The following GRAMD1C variants were observed in gnomAD, a reference collection of about 807,000 sequenced individuals.
GRAMD1C encodes the protein protein Aster-C.
A neutral mutation model predicts 97.8 loss-of-function variants in GRAMD1C; 89 were observed. That is an observed-to-expected ratio of 0.91 (90% confidence interval 0.77 to 1.09). GRAMD1C has a LOEUF of 1.09. Among genes scored for constraint, GRAMD1C ranks in the 50% least tolerant of loss-of-function variants. GRAMD1C has a pLI of 0.00. For synonymous variants in GRAMD1C, 256 were observed against 267.0 expected, an observed-to-expected ratio of 0.96 and a Z score of 0.40; for missense variants, 740 against 766.4, an observed-to-expected ratio of 0.97 and a Z score of 0.41.
chr3:113,870,380 A>G (rs1195621418), intron 3 of GRAMD1C, among the ~76,000 whole-genome samples: 1 of 146,012 alleles, frequency 6.8e-6, no homozygotes, highest in Non-Finnish European at 1.5e-5. Context: ...ACCCCCGCTC[A>G]AAAAAAAAAA....
At chr3:113,835,741 G>A (rs540058727), upstream of GRAMD1C, among the ~76,000 whole-genome samples, 14 of 152,244 alleles carry the variant, frequency 9.2e-5, no homozygotes, top group South Asian at 2.9e-3. Context: ...TGTTTCGAAC[G>A]ATGTTCACAT....
chr3:113,855,780 A>G (rs1934101898), intron 2 of GRAMD1C, among the ~76,000 whole-genome samples: 2 of 152,122 alleles, frequency 1.3e-5, no homozygotes, highest in Non-Finnish European at 2.9e-5. Flanking sequence ...AGAAGATGTT[A>G]GTAAGTAAAA....
At chr3:113,877,468 TG>T (rs747549862) in intron 5 of GRAMD1C, among the ~76,000 whole-genome samples, 14 of 152,232 alleles carry the variant, frequency 9.2e-5, no homozygotes, top group Non-Finnish European at 1.9e-4. Context: ...TTTAATTTCC[TG>T]GAAGAGCTCT....
At position 113,934,619 on chromosome 3, in the gene GRAMD1C, C is replaced by G. The variant is rs72954664; in HGVS notation, c.1456+84C>G. The stretch of plus-strand genomic sequence containing the variant: ...ATTGATTCTTCATTTAGATTTGTAA[C>G]AGAAAACTGGTCAATGATGTTGGAA... On this transcript the variant is annotated intron_variant, in intron 13 of 17. Coordinates refer to ENST00000358160, the MANE Select transcript of GRAMD1C (RefSeq NM_017577.5). 6,633 of 677,960 alleles carry G rather than the reference C, an allele frequency of 9.8e-3. 355 individuals carry two copies. In the African/African-American group the frequency reaches 0.11, roughly 11 times the overall value. 42.0% of individuals were successfully genotyped at this position (677,960 alleles called of 1,614,324 possible). A position where few individuals can be genotyped will look rare whatever the true frequency, so the allele number is the denominator to read the frequency against.
intron 11 of GRAMD1C, 47 bp from the exon 12 acceptor site, chr3:113,933,464 A>C (rs1220029573): frequency 7.4e-6 from 10 of 1,351,710 alleles, no homozygotes; most frequent in Non-Finnish European, 1.1e-5. Flanking sequence ...AAGAAGATTC[A>C]TATATTAAGC....
At chr3:113,857,501 G>A (rs1317235111) in intron 2 of GRAMD1C, among the ~76,000 whole-genome samples, 3 of 151,332 alleles carry the variant, frequency 2.0e-5, no homozygotes, top group Non-Finnish European at 2.9e-5. Context: ...TCAGCCTCCC[G>A]AGTAGCTGGG....
chr3:113,868,450 T>G (rs1249255019), intron 2 of GRAMD1C, among the ~76,000 whole-genome samples: 1 of 152,204 alleles, frequency 6.6e-6, no homozygotes, highest in Middle Eastern at 3.2e-3. Flanking sequence ...GTCCCATGGG[T>G]TGTCATTGCT....
At chr3:113,851,498 A>G (rs1933900987) in intron 2 of GRAMD1C, among the ~76,000 whole-genome samples, 1 of 151,360 alleles carries the variant, frequency 6.6e-6, no homozygotes, top group African/African-American at 2.4e-5. Context: ...ATTTTTCTAG[A>G]TAATAGTCAA....
At position 113,869,576 on chromosome 3, in the gene GRAMD1C, G is replaced by A; in HGVS notation, c.244G>A (p.Glu82Lys). The A allele has an allele frequency of 6.7e-7, 1 of 1,497,670 alleles. No individual in the cohort carries two copies. Among genetic ancestry groups the A allele is most frequent in the Non-Finnish European group, 9.2e-7 (1 of 1,091,676 alleles). 92.8% of individuals were successfully genotyped at this position (1,497,670 alleles called of 1,614,324 possible). A position where few individuals can be genotyped will look rare whatever the true frequency, so the allele number is the denominator to read the frequency against. ...RRQFTHLPDT[E>K]RLIADYACAL... The stretch of plus-strand genomic sequence containing the variant: ...ACAGTTCACACATCTACCTGATACA[G>A]AGAGGCTGATAGCAGGTAAAATAGA... Residue 82 changes from glutamate (E) to lysine (K), a missense_variant, in exon 3 of 18, where the codon GAG becomes AAG. Coordinates refer to ENST00000358160, the MANE Select transcript of GRAMD1C (RefSeq NM_017577.5).
intron 9 of GRAMD1C, chr3:113,913,305 A>T (rs1417508694): frequency 6.0e-6 from 2 of 335,440 alleles, no homozygotes; most frequent in Non-Finnish European, 1.2e-5. Context: ...CAGGTGGGTC[A>T]ACTGAGGTCA....
At chr3:113,910,588 C>T (rs950591799) in intron 9 of GRAMD1C, among the ~76,000 whole-genome samples, 5 of 152,094 alleles carry the variant, frequency 3.3e-5, no homozygotes, top group African/African-American at 1.2e-4. Flanking sequence ...CTAGAGTGGG[C>T]TCAACAAATA....
intron 2 of GRAMD1C, among the ~76,000 whole-genome samples, chr3:113,853,428 G>A (rs1933991938): frequency 6.6e-6 from 1 of 152,134 alleles, no homozygotes; most frequent in Non-Finnish European, 1.5e-5. Context: ...TGAGCAAGAG[G>A]CAATATTCAA....
At chr3:113,847,544 C>T (rs1464658348) in intron 2 of GRAMD1C, among the ~76,000 whole-genome samples, 1 of 152,168 alleles carries the variant, frequency 6.6e-6, no homozygotes, top group Non-Finnish European at 1.5e-5. Context: ...ATAAATAATT[C>T]ATTTTTTCTC....
intron 6 of GRAMD1C, among the ~76,000 whole-genome samples, chr3:113,898,970 A>G (rs910295903): frequency 2.6e-5 from 4 of 152,104 alleles, no homozygotes; most frequent in Non-Finnish European, 4.4e-5. Context: ...CATGAAATGT[A>G]ATGAAGGTCA....
intron 1 of GRAMD1C, among the ~76,000 whole-genome samples, chr3:113,840,500 G>A (rs780087715): frequency 6.6e-6 from 1 of 152,046 alleles, no homozygotes; most frequent in Non-Finnish European, 1.5e-5. Flanking sequence ...ACTTTGGGAG[G>A]CCAAGGCAGA....
rs189838582 is a variant in GRAMD1C, at chr3:113,902,055, G to T, written c.656+909G>T. Among the ~76,000 whole-genome samples, 10 of 152,300 alleles carry T rather than the reference G, an allele frequency of 6.6e-5. No individual in the cohort carries two copies. The East Asian group carries it at 1.9e-3, about 29-fold the overall frequency. On this transcript the variant is annotated intron_variant, in intron 7 of 17. Transcript: ENST00000358160. ...CTACAATTAGTTAGTGGTGATGGTT[G>T]CCCAACTCTGTAACCCACTAAATTG...
chr3:113,840,592 A>G (rs990003570), intron 1 of GRAMD1C, among the ~76,000 whole-genome samples: 5 of 152,160 alleles, frequency 3.3e-5, no homozygotes, highest in African/African-American at 7.2e-5. Context: ...ATAAAAAAAA[A>G]AAAGAAAGAA....
Position 113,858,267 on chromosome 3 carries a change from C to T in GRAMD1C, c.175-11240C>T, listed in dbSNP as rs142221202. On this transcript the variant is annotated intron_variant, in intron 2 of 17. Transcript: ENST00000358160. ...TTTGTTCTTGAGACAGAGTCTCACT[C>T]TGTTGCCCAGGCTGGGGTGCAGTGG... 1.7e-3 allele frequency among the ~76,000 whole-genome samples: 256 copies of T among 152,152 alleles called. 3 individuals are homozygous for T. Among genetic ancestry groups the T allele is most frequent in the African/African-American group, 5.8e-3 (243 of 41,554 alleles).
At chr3:113,892,147 T>C (rs190261631) in intron 6 of GRAMD1C, among the ~76,000 whole-genome samples, 12 of 152,202 alleles carry the variant, frequency 7.9e-5, no homozygotes, top group African/African-American at 2.9e-4. Context: ...TGAAAAAGAA[T>C]GTTTTTAAAA....
Sources: allele counts gnomAD v4.1 joint callset (sites outside exome capture counted in the v4.1 genomes callset), GRCh38; gene constraint gnomAD v4.1.1; transcripts MANE v1.5; gene names NCBI Gene and HGNC (gene_info 2026-07-23, HGNC 2026-07-21).